MAPK10: variants seen among roughly 807,000 people sequenced by gnomAD.
MAPK10 encodes JNK3 alpha protein kinase.
In MAPK10, 25 loss-of-function variants were observed where a neutral mutation model predicts 59.3. That is an observed-to-expected ratio of 0.42 (90% CI 0.31 to 0.59). The LOEUF (loss-of-function observed/expected upper bound fraction) is 0.59, where lower values mean the gene tolerates loss of function less well. Ranked by LOEUF, MAPK10 falls within the 20% of genes least tolerant of loss-of-function variation. The pLI, the probability that MAPK10 is intolerant of heterozygous loss-of-function variation, is 0.15. For missense variants in MAPK10, 351 were observed against 568.9 expected (o/e 0.62, Z 3.90); for synonymous variants, 190 against 200.5 (o/e 0.95, Z 0.44).
intron 1 of MAPK10, among the ~76,000 whole-genome samples, chr4:86,470,186 A>G (rs1467670313): frequency 1.3e-5 from 2 of 152,198 alleles, no homozygotes; most frequent in African/African-American, 4.8e-5. Context: ...CTTAATATAA[A>G]GCAGCCAACA....
chr4:86,506,906 G>C (rs1448871011), intron 1 of MAPK10, among the ~76,000 whole-genome samples: 1 of 151,936 alleles, frequency 6.6e-6, no homozygotes, highest in Admixed American at 6.6e-5. Flanking sequence ...AGCCTCAAGG[G>C]GATTTGGGTA....
intron 2 of MAPK10, among the ~76,000 whole-genome samples, chr4:86,244,422 C>T (rs1016303015): frequency 2.0e-5 from 3 of 152,144 alleles, no homozygotes; most frequent in Admixed American, 6.5e-5. Flanking sequence ...TTTGAGATGC[C>T]TGCAATTTTT....
intron 1 of MAPK10, chr4:86,370,708 A>G (rs1738626776): frequency 6.6e-6 from 1 of 152,192 alleles, no homozygotes; most frequent in Non-Finnish European, 1.5e-5. Flanking sequence ...CAAATCCTGT[A>G]TTTACCTTGG....
intron 1 of MAPK10, among the ~76,000 whole-genome samples, chr4:86,538,530 G>C (rs1345727398): frequency 1.3e-5 from 2 of 152,108 alleles, no homozygotes; most frequent in Non-Finnish European, 2.9e-5. Flanking sequence ...AGTGTATTTT[G>C]GATGCTTTTA....
chr4:86,306,212 CTA>C (rs1488744949), intron 2 of MAPK10, among the ~76,000 whole-genome samples: 8 of 152,140 alleles, frequency 5.3e-5, no homozygotes, highest in Non-Finnish European at 7.4e-5. Flanking sequence ...TTTTAAAAAA[CTA>C]TATGTTTTAA....
At chr4:86,448,901 A>T (rs1323504615) in intron 1 of MAPK10, among the ~76,000 whole-genome samples, 2 of 152,216 alleles carry the variant, frequency 1.3e-5, no homozygotes, top group African/African-American at 4.8e-5. Context: ...GGAGACAGTG[A>T]CAGATCATCA....
At chr4:86,413,369 C>T (rs1232321685) in intron 1 of MAPK10, among the ~76,000 whole-genome samples, 1 of 152,224 alleles carries the variant, frequency 6.6e-6, no homozygotes, top group Non-Finnish European at 1.5e-5. Flanking sequence ...GGGCCAGGGA[C>T]CCGCTTGAGG....
At chr4:86,250,080 T>G (rs929165309) in intron 2 of MAPK10, among the ~76,000 whole-genome samples, 1 of 152,172 alleles carries the variant, frequency 6.6e-6, no homozygotes, top group Non-Finnish European at 1.5e-5. Context: ...ATACTTTGCC[T>G]TTGTCTAAAA....
intron 2 of MAPK10, among the ~76,000 whole-genome samples, chr4:86,303,435 G>GAAAAA (rs112744736): frequency 6.6e-6 from 1 of 150,742 alleles, no homozygotes; most frequent in Non-Finnish European, 1.5e-5. Flanking sequence ...ATATAAAGAT[G>GAAAAA]AAAAAAAAAG....
At chr4:86,574,690 A>G (rs1761741936) in intron 1 of MAPK10, among the ~76,000 whole-genome samples, 1 of 152,150 alleles carries the variant, frequency 6.6e-6, no homozygotes, top group Non-Finnish European at 1.5e-5. Context: ...AATACAACTT[A>G]CTTTTGTATG....
chr4:86,278,089 T>C (rs762162923), intron 2 of MAPK10, among the ~76,000 whole-genome samples: 2 of 152,140 alleles, frequency 1.3e-5, no homozygotes, highest in Non-Finnish European at 2.9e-5. Flanking sequence ...AACAATACTT[T>C]GTCTACATCA....
intron 1 of MAPK10, among the ~76,000 whole-genome samples, chr4:86,474,763 G>A (rs1345004417): frequency 1.3e-5 from 2 of 152,188 alleles, no homozygotes; most frequent in South Asian, 2.1e-4. Context: ...ATTAATAAAT[G>A]AGTGAACTGT....
chr4:86,231,637 T>C (rs980474102), intron 2 of MAPK10, among the ~76,000 whole-genome samples: 5 of 151,902 alleles, frequency 3.3e-5, no homozygotes, highest in Admixed American at 6.6e-5. Context: ...CACTCCAACC[T>C]GGTGACAGAG....
Position 86,010,985 on chromosome 4 carries a change from T to A in MAPK10, c.*6243A>T, listed in dbSNP as rs548611000. 1 of 152,350 alleles carries A rather than the reference T, an allele frequency of 6.6e-6. No homozygotes were observed. The highest frequency in any genetic ancestry group is 1.9e-4 in the East Asian group (1 of 5,186). The allele number at this position is 152,350 out of a possible 1,614,324, so 9.4% of individuals were successfully genotyped here. On this transcript the variant is annotated 3_prime_UTR_variant, in exon 14 of 14. Coordinates refer to ENST00000641462, the MANE Select transcript of MAPK10 (RefSeq NM_138982.4). Reference sequence around the variant, plus strand: ...CCCCACGGAGTGAAATTTGAATTCCTTAAATTCCCTCAAATTATTTTATGT... The same window carrying A: ...CCCCACGGAGTGAAATTTGAATTCCATAAATTCCCTCAAATTATTTTATGT...
chr4:86,543,343 C>G (rs1234621441), intron 1 of MAPK10, among the ~76,000 whole-genome samples: 1 of 152,198 alleles, frequency 6.6e-6, no homozygotes, highest in Non-Finnish European at 1.5e-5. Flanking sequence ...TGTCTTGCAG[C>G]TTCCTCTGGG....
At chr4:86,084,746 A>G (rs1028235277) in intron 9 of MAPK10, among the ~76,000 whole-genome samples, 3 of 144,672 alleles carry the variant, frequency 2.1e-5, no homozygotes, top group African/African-American at 8.7e-5. Context: ...AGAAAACACA[A>G]TCCTGAAGTT....
At chr4:86,512,290 A>C (rs1756336654) in intron 1 of MAPK10, among the ~76,000 whole-genome samples, 1 of 152,232 alleles carries the variant, frequency 6.6e-6, no homozygotes, top group South Asian at 2.1e-4. Context: ...TTATTTGGAT[A>C]AGTTCAGTAA....
At chr4:86,237,745 G>C (rs1016411717) in intron 2 of MAPK10, among the ~76,000 whole-genome samples, 15 of 151,970 alleles carry the variant, frequency 9.9e-5, no homozygotes, top group African/African-American at 3.6e-4. Flanking sequence ...CTGGATATTA[G>C]ACCTTCGTCA....
At chr4:86,437,023 T>C (rs761333914) in intron 1 of MAPK10, among the ~76,000 whole-genome samples, 5 of 151,974 alleles carry the variant, frequency 3.3e-5, no homozygotes, top group Admixed American at 1.3e-4. Flanking sequence ...CCATCCTGGC[T>C]AACACGGTGA....
Sources: allele counts gnomAD v4.1 joint callset (sites outside exome capture counted in the v4.1 genomes callset), GRCh38; gene constraint gnomAD v4.1.1; transcripts MANE v1.5; gene names NCBI Gene and HGNC (gene_info 2026-07-23, HGNC 2026-07-21).